PCCA: variants seen among roughly 807,000 people sequenced by gnomAD.
PCCA encodes the protein propionyl-CoA carboxylase alpha chain, mitochondrial.
In PCCA, 74 loss-of-function variants were observed where a neutral mutation model predicts 101.3. That is an observed-to-expected ratio of 0.73 (90% CI 0.61 to 0.89). The LOEUF (loss-of-function observed/expected upper bound fraction) is 0.89, where lower values mean the gene tolerates loss of function less well. Among genes scored for constraint, PCCA ranks in the 40% least tolerant of loss-of-function variants. The pLI, the probability that PCCA is intolerant of heterozygous loss-of-function variation, is 0.00. For missense variants in PCCA, 891 were observed against 907.0 expected, an observed-to-expected ratio of 0.98 and a Z score of 0.23; for synonymous variants, 294 against 313.6, an observed-to-expected ratio of 0.94 and a Z score of 0.66.
intron 19 of PCCA, among the ~76,000 whole-genome samples, chr13:100,381,604 T>C (rs1483243285): frequency 6.6e-6 from 1 of 152,248 alleles, no homozygotes; most frequent in Non-Finnish European, 1.5e-5. Flanking sequence ...TCTTTATTAC[T>C]ATGGTGAATA....
At chr13:100,336,638 T>C (rs1462445007) in intron 17 of PCCA, among the ~76,000 whole-genome samples, 1 of 152,130 alleles carries the variant, frequency 6.6e-6, no homozygotes, top group African/African-American at 2.4e-5. Flanking sequence ...CACAAATACT[T>C]ATAGAGCCTG....
intron 20 of PCCA, among the ~76,000 whole-genome samples, chr13:100,443,811 C>T (rs1221224491): frequency 6.6e-6 from 1 of 152,096 alleles, no homozygotes; most frequent in East Asian, 1.9e-4. Flanking sequence ...ATCCTAAGGT[C>T]CTAGGTCTGA....
At chr13:100,250,414 G>T (rs2061680897) in intron 8 of PCCA, among the ~76,000 whole-genome samples, 1 of 151,922 alleles carries the variant, frequency 6.6e-6, no homozygotes, top group Non-Finnish European at 1.5e-5. Flanking sequence ...AATCCCATTT[G>T]GTCATGGTAT....
intron 21 of PCCA, among the ~76,000 whole-genome samples, chr13:100,454,107 A>C (rs2081542864): frequency 6.6e-6 from 1 of 151,810 alleles, no homozygotes; most frequent in South Asian, 2.1e-4. Flanking sequence ...TCCTGACCTC[A>C]TCATGATCCA....
intron 21 of PCCA, among the ~76,000 whole-genome samples, chr13:100,454,168 C>G (rs1450313221): frequency 6.6e-6 from 1 of 151,352 alleles, no homozygotes; most frequent in Non-Finnish European, 1.5e-5. Flanking sequence ...GCCACCGCAC[C>G]TGGCCAAAAA....
intron 20 of PCCA, among the ~76,000 whole-genome samples, chr13:100,442,700 G>T (rs1421589686): frequency 6.6e-6 from 1 of 152,212 alleles, no homozygotes; most frequent in African/African-American, 2.4e-5. Context: ...TAAATAAGGT[G>T]ATTTTAGTAC....
At chr13:100,457,841 C>G (rs1364848591) in intron 21 of PCCA, among the ~76,000 whole-genome samples, 2 of 152,166 alleles carry the variant, frequency 1.3e-5, no homozygotes, top group Admixed American at 1.3e-4. Context: ...AGTGTGAGCC[C>G]TCTAGTCCCT....
intron 21 of PCCA, among the ~76,000 whole-genome samples, chr13:100,465,575 C>T (rs2082453676): frequency 6.6e-6 from 1 of 152,022 alleles, no homozygotes; most frequent in Non-Finnish European, 1.5e-5. Context: ...TATTTTTGCC[C>T]TAGAGCAGGG....
At chr13:100,489,181 A>G (rs935622488) in intron 21 of PCCA, among the ~76,000 whole-genome samples, 1 of 151,996 alleles carries the variant, frequency 6.6e-6, no homozygotes, top group African/African-American at 2.4e-5. Flanking sequence ...GGTGGCGAGC[A>G]CCTGTAGTCC....
chr13:100,404,853 C>G (rs1490363831), intron 19 of PCCA, among the ~76,000 whole-genome samples: 1 of 152,136 alleles, frequency 6.6e-6, no homozygotes, highest in African/African-American at 2.4e-5. Flanking sequence ...AACAGGAAGC[C>G]TTGGGGTTGG....
At chr13:100,366,711 A>ATC (rs1595611465) in intron 18 of PCCA, among the ~76,000 whole-genome samples, 1 of 151,826 alleles carries the variant, frequency 6.6e-6, no homozygotes, top group East Asian at 1.9e-4. Flanking sequence ...GTGAGGCTCT[A>ATC]TCCCCTGAAA....
chr13:100,198,950 G>A (rs543553821), intron 6 of PCCA, among the ~76,000 whole-genome samples: 6 of 148,320 alleles, frequency 4.0e-5, no homozygotes, highest in Non-Finnish European at 7.4e-5. Context: ...TAAAGTCCCT[G>A]GAAGAGGCTG....
chr13:100,129,798 A>G (rs1416489954), intron 4 of PCCA, among the ~76,000 whole-genome samples: 1 of 152,210 alleles, frequency 6.6e-6, no homozygotes, highest in African/African-American at 2.4e-5. Flanking sequence ...GGTCTTCACC[A>G]GTGGCTCTGG....
chr13:100,413,941 A>G (rs1248576975), intron 19 of PCCA, among the ~76,000 whole-genome samples: 1 of 152,194 alleles, frequency 6.6e-6, no homozygotes, highest in East Asian at 1.9e-4. Flanking sequence ...AGAAACTACT[A>G]CTATAATTAA....
intron 6 of PCCA, among the ~76,000 whole-genome samples, chr13:100,176,329 A>G (rs1057423074): frequency 1.3e-5 from 2 of 152,206 alleles, no homozygotes; most frequent in East Asian, 3.8e-4. Flanking sequence ...GGATTTGATT[A>G]CAAGTTACTT....
At chr13:100,215,414 A>G (rs1189699307) in intron 7 of PCCA, among the ~76,000 whole-genome samples, 1 of 152,184 alleles carries the variant, frequency 6.6e-6, no homozygotes, top group Non-Finnish European at 1.5e-5. Flanking sequence ...ATAATAAAAC[A>G]TATGTTCTAT....
intron 4 of PCCA, among the ~76,000 whole-genome samples, chr13:100,125,702 T>G (rs936206310): frequency 6.6e-6 from 1 of 152,218 alleles, no homozygotes; most frequent in African/African-American, 2.4e-5. Context: ...TTTCTTTTCC[T>G]TTTCTTTTTT....
chr13:100,232,391 T>TGG lies in PCCA; in HGVS notation c.601-3450_601-3449dup, dbSNP rs1555388064. 7.7e-4 allele frequency among the ~76,000 whole-genome samples: 115 copies of TGG among 148,968 alleles called. 1 individual carries two copies. Among genetic ancestry groups the TGG allele is most frequent in the African/African-American group, 2.7e-3 (106 of 39,304 alleles). ...GTGTGTGTGTGTGTGTGTGTGTGTG[T>TGG]GGTTTTAGAGACGGAGTCTCACTTT... is the stretch of plus-strand genomic sequence containing the variant. On this transcript the variant is annotated intron_variant, in intron 7 of 23. Transcript: ENST00000376285.
At chr13:100,333,578 G>C (rs1020786243) in intron 17 of PCCA, among the ~76,000 whole-genome samples, 3 of 152,174 alleles carry the variant, frequency 2.0e-5, no homozygotes, top group African/African-American at 7.2e-5. Flanking sequence ...TTTAGATGTG[G>C]ATGTTGAAAA....
Sources: allele counts gnomAD v4.1 joint callset (sites outside exome capture counted in the v4.1 genomes callset), GRCh38; gene constraint gnomAD v4.1.1; transcripts MANE v1.5; gene names NCBI Gene and HGNC (gene_info 2026-07-23, HGNC 2026-07-21).